Variants in MYO16 observed in about 807,000 individuals in gnomAD.
MYO16 encodes the protein myosin XVI, also known as unconventional myosin-XVI.
MYO16 carries 94 observed loss-of-function variants against 205.3 expected under a neutral mutation model. The ratio of observed to expected loss-of-function variants is 0.46; its 90% CI spans 0.39 to 0.54. The LOEUF (loss-of-function observed/expected upper bound fraction) is 0.54, where lower values mean the gene tolerates loss of function less well. Ranked by LOEUF, MYO16 falls within the 20% of genes least tolerant of loss-of-function variation. MYO16 has a pLI of 0.00. For missense variants in MYO16, 2,315 were observed against 2,387.5 expected (o/e 0.97, Z 0.63); for synonymous variants, 988 against 954.0 (o/e 1.04, Z -0.66).
rs1426310049 is a variant in MYO16, at chr13:109,141,381, G to C, written c.5164+5G>C. The C allele has an allele frequency of 2.7e-6, 4 of 1,492,708 alleles. No homozygotes were observed. The highest frequency in any genetic ancestry group is 2.6e-5 in the East Asian group (1 of 38,916). The allele number at this position is 1,492,708 out of a possible 1,614,324, so 92.5% of individuals were successfully genotyped here. On this transcript the variant is annotated splice_donor_5th_base_variant and intron_variant, in intron 32 of 34. Transcript: ENST00000457511. This position sits in a 1 kb window ranked among gnomAD's most constrained non-coding sequence, Gnocchi z 4.1. Reference sequence around the variant, plus strand: ...GAAAAATCAGGGAAGCAGAAGGTAAGCGGAGCAGACATCCCCCCACTCCTT... The same window carrying C: ...GAAAAATCAGGGAAGCAGAAGGTAACCGGAGCAGACATCCCCCCACTCCTT...
intron 2 of MYO16, among the ~76,000 whole-genome samples, chr13:108,682,627 C>T (rs1464854556): frequency 6.6e-6 from 1 of 151,998 alleles, no homozygotes; most frequent in African/African-American, 2.4e-5. Context: ...GGTTAAGGAA[C>T]CAGTCCAGGG....
chr13:108,938,544 A>C (rs867016937), intron 16 of MYO16, among the ~76,000 whole-genome samples: 19 of 152,324 alleles, frequency 1.2e-4, no homozygotes, highest in Admixed American at 3.9e-4. Context: ...CTAGCCCCCA[A>C]GTTCTCTGCA....
intron 19 of MYO16, among the ~76,000 whole-genome samples, chr13:108,962,992 A>T (rs1458027168): frequency 6.6e-6 from 1 of 152,240 alleles, no homozygotes; most frequent in East Asian, 1.9e-4. Flanking sequence ...ACTAAAATTC[A>T]AATAAGTTAA....
At chr13:108,820,024 T>C (rs1438696699) in intron 7 of MYO16, among the ~76,000 whole-genome samples, 1 of 152,216 alleles carries the variant, frequency 6.6e-6, no homozygotes, top group Non-Finnish European at 1.5e-5. Context: ...TTTACTGTTA[T>C]GTAACTAGTT....
intron 9 of MYO16, among the ~76,000 whole-genome samples, chr13:108,824,457 T>C (rs768029819): frequency 1.3e-5 from 2 of 152,112 alleles, no homozygotes; most frequent in Non-Finnish European, 2.9e-5. Flanking sequence ...ATATTCATAT[T>C]CTTCAGAGGT....
At chr13:108,743,521 C>CCAAT (rs1884972484) in intron 4 of MYO16, among the ~76,000 whole-genome samples, 1 of 152,166 alleles carries the variant, frequency 6.6e-6, no homozygotes, top group African/African-American at 2.4e-5. Context: ...GAAATATTAG[C>CCAAT]CAATGTATAG....
chr13:109,010,436 A>C (rs1227474690), intron 22 of MYO16, among the ~76,000 whole-genome samples: 1 of 152,242 alleles, frequency 6.6e-6, no homozygotes, highest in Non-Finnish European at 1.5e-5. Flanking sequence ...AATGCTTAAA[A>C]AATGTTGCTA....
chr13:108,548,519 G>A, the MYO16 span, among the ~76,000 whole-genome samples: 1 of 150,740 alleles, frequency 6.6e-6, no homozygotes, highest in Non-Finnish European at 1.5e-5. Flanking sequence ...AGGTGAGGAT[G>A]ATAATGGTGG....
chr13:109,091,343 G>A (rs936790751), intron 27 of MYO16, among the ~76,000 whole-genome samples: 3 of 152,208 alleles, frequency 2.0e-5, no homozygotes, highest in African/African-American at 4.8e-5. Context: ...GACATTGTGT[G>A]TATTTCTACA....
At chr13:108,903,578 A>G (rs1207891055) in intron 15 of MYO16, among the ~76,000 whole-genome samples, 2 of 152,172 alleles carry the variant, frequency 1.3e-5, no homozygotes, top group Non-Finnish European at 2.9e-5. Context: ...GATCTATTGT[A>G]TGAATTTTTA....
intron 1 of MYO16, among the ~76,000 whole-genome samples, chr13:108,631,148 A>G (rs1010516338): frequency 1.3e-5 from 2 of 152,166 alleles, no homozygotes; most frequent in African/African-American, 4.8e-5. Flanking sequence ...TGGTTTTTGT[A>G]TTGCCTCTCG....
At chr13:109,019,056 C>G (rs1490977964) in intron 22 of MYO16, among the ~76,000 whole-genome samples, 1 of 151,612 alleles carries the variant, frequency 6.6e-6, no homozygotes, top group Non-Finnish European at 1.5e-5. Flanking sequence ...GCAACCTCCA[C>G]CTCTTGGGGT....
intron 12 of MYO16, among the ~76,000 whole-genome samples, chr13:108,869,551 C>T (rs1202833782): frequency 2.9e-5 from 4 of 136,904 alleles, no homozygotes; most frequent in South Asian, 2.5e-4. Flanking sequence ...GATGAAACCC[C>T]GTCTCTACTA....
intron 16 of MYO16, among the ~76,000 whole-genome samples, chr13:108,913,109 T>C (rs1023611297): frequency 2.0e-5 from 3 of 152,050 alleles, no homozygotes; most frequent in African/African-American, 7.2e-5. Flanking sequence ...TTATGAGGAG[T>C]TCCAACAGGA....
At position 109,140,994 on chromosome 13, in the gene MYO16, GCCGCCCCCGCCC is replaced by G. The variant is rs774812688; in HGVS notation, c.4795_4806del (p.Pro1599_Pro1602del). 1.8e-4 allele frequency: 237 copies of G among 1,336,812 alleles called. 1 individual carries two copies. The highest frequency in any genetic ancestry group is 5.5e-4 in the Middle Eastern group (2 of 3,610). 82.8% of individuals were successfully genotyped at this position (1,336,812 alleles called of 1,614,324 possible). On this transcript the variant is annotated inframe_deletion, in exon 32 of 35. Coordinates refer to ENST00000457511, the MANE Select transcript of MYO16 (RefSeq NM_001198950.3). This position sits in a 1 kb window ranked among gnomAD's most constrained non-coding sequence, Gnocchi z 8.0. ...CCGGCCGAGCCTCCCCGCCGTCCACGCCGCCCCCGCCCCCGCCCCCGCCCGGGCCGCCCCCCG... is the reference window on the plus strand; with the variant it reads ...CCGGCCGAGCCTCCCCGCCGTCCACGCCGCCCCCGCCCGGGCCGCCCCCCG...
At chr13:108,861,463 G>A (rs912339064) in intron 11 of MYO16, among the ~76,000 whole-genome samples, 8 of 152,036 alleles carry the variant, frequency 5.3e-5, no homozygotes, top group South Asian at 2.1e-4. Context: ...TAGTAATTAC[G>A]AATAATATAA....
At chr13:108,684,754 G>A (rs747957220) in intron 2 of MYO16, among the ~76,000 whole-genome samples, 2 of 152,078 alleles carry the variant, frequency 1.3e-5, no homozygotes, top group Non-Finnish European at 2.9e-5. Flanking sequence ...CCTATGTAAC[G>A]AAGACTCCAT....
intron 34 of MYO16, among the ~76,000 whole-genome samples, chr13:109,180,383 A>T (rs1440843828): frequency 1.3e-5 from 2 of 152,224 alleles, no homozygotes; most frequent in African/African-American, 4.8e-5. Context: ...ATAATGTTGC[A>T]TTCAAGGTGA....
intron 23 of MYO16, among the ~76,000 whole-genome samples, chr13:109,046,227 C>A (rs1294952354): frequency 3.9e-5 from 6 of 152,180 alleles, no homozygotes; most frequent in Non-Finnish European, 7.3e-5. Flanking sequence ...GGTATATTTT[C>A]AAAGGTAAGC....
Sources: gnomAD v4.1 joint callset for allele counts (sites outside exome capture counted in the v4.1 genomes callset) on GRCh38, gnomAD v4.1.1 for gene constraint, Gnocchi (gnomAD v3.1) non-coding constraint, MANE v1.5 for transcripts, NCBI Gene and HGNC (gene_info 2026-07-23, HGNC 2026-07-21) for gene names.